The following CFAP54 variants were observed in gnomAD, a reference collection of about 807,000 sequenced individuals.
CFAP54 encodes the protein cilia- and flagella-associated protein 54.
In CFAP54, 290 loss-of-function variants were observed where a neutral mutation model predicts 370.4. The ratio of observed to expected loss-of-function variants is 0.78; its 90% CI spans 0.71 to 0.86. The LOEUF is 0.86. Among genes scored for constraint, CFAP54 ranks in the 40% least tolerant of loss-of-function variants. CFAP54 has a pLI of 0.00. For missense variants in CFAP54, 3,399 were observed against 3,528.7 expected, an observed-to-expected ratio of 0.96 and a Z score of 0.93; for synonymous variants, 1,206 against 1,236.5, an observed-to-expected ratio of 0.98 and a Z score of 0.52.
At chr12:96,709,237 A>T (rs1957582225) in intron 48 of CFAP54, among the ~76,000 whole-genome samples, 1 of 152,204 alleles carries the variant, frequency 6.6e-6, no homozygotes, top group African/African-American at 2.4e-5. Context: ...GTGCATGTGC[A>T]CCAATAGAGG....
At chr12:96,499,116 G>A (rs1954992915) in intron 1 of CFAP54, among the ~76,000 whole-genome samples, 1 of 152,120 alleles carries the variant, frequency 6.6e-6, no homozygotes, top group South Asian at 2.1e-4. Flanking sequence ...CTACAGATGT[G>A]CGCCACCATG....
At chr12:96,536,626 C>CTTTTT (rs10638883) in intron 12 of CFAP54, among the ~76,000 whole-genome samples, 5 of 138,158 alleles carry the variant, frequency 3.6e-5, no homozygotes, top group Admixed American at 7.3e-5. Flanking sequence ...TTTTCTTTTT[C>CTTTTT]TTTTTTTTTT....
intron 62 of CFAP54, among the ~76,000 whole-genome samples, chr12:96,792,116 C>T (rs1026245153): frequency 2.6e-5 from 4 of 152,146 alleles, no homozygotes; most frequent in African/African-American, 9.7e-5. Context: ...TCCCAAAGTG[C>T]TGGGATTACA....
chr12:96,786,064 T>A (rs1262663290), intron 61 of CFAP54, among the ~76,000 whole-genome samples: 1 of 152,212 alleles, frequency 6.6e-6, no homozygotes, highest in Non-Finnish European at 1.5e-5. Context: ...AAATAAACTG[T>A]CTACAAATTC....
intron 39 of CFAP54, among the ~76,000 whole-genome samples, chr12:96,664,758 T>TCG (rs1957053125): frequency 5.0e-5 from 1 of 19,808 alleles, no homozygotes; most frequent in South Asian, 1.5e-3. Context: ...TATATATCTA[T>TCG]ATATATCTAT....
intron 50 of CFAP54, among the ~76,000 whole-genome samples, chr12:96,726,297 A>C (rs1957834743): frequency 6.6e-6 from 1 of 152,196 alleles, no homozygotes; most frequent in Admixed American, 6.5e-5. Flanking sequence ...CTATGAATCC[A>C]TCTGGTCCTG....
At chr12:96,758,381 A>G (rs1958290552) in intron 58 of CFAP54, among the ~76,000 whole-genome samples, 1 of 152,216 alleles carries the variant, frequency 6.6e-6, no homozygotes, top group Admixed American at 6.5e-5. Flanking sequence ...CTTACATGGC[A>G]GCAGACAAAG....
In CFAP54 at chr12:96,647,957, T is replaced by C. The variant is rs1388351815; in HGVS notation, c.4630T>C (p.Tyr1544His). 3.9e-5 allele frequency: 60 copies of C among 1,523,976 alleles called. No homozygotes were observed. The highest frequency in any genetic ancestry group is 6.3e-5 in the Admixed American group (3 of 47,752). The allele number at this position is 1,523,976 out of a possible 1,614,324, so 94.4% of individuals were successfully genotyped here. The part of the protein sequence containing the change: ...LPTRKLTVEN[Y>H]KAMLDFLLTA... ...AACAAGAAAATTGACTGTAGAAAATTATAAAGCAATGCTTGATTTCCTTCT... is the reference window on the plus strand; with the variant it reads ...AACAAGAAAATTGACTGTAGAAAATCATAAAGCAATGCTTGATTTCCTTCT... Residue 1544 changes from tyrosine (Y) to histidine (H), a missense_variant, in exon 34 of 68, where the codon TAT (tyrosine) becomes CAT (histidine). Physicochemically the swap from Tyr to His is moderately conservative, Grantham distance 83. Around this residue, in one of 3 missense-constraint regions of CFAP54, gnomAD observed 2,796 missense variants for 2,869.7 expected, o/e 0.97. Transcript: ENST00000524981.
At chr12:96,782,899 CAAAATT>C (rs1282429383) in intron 60 of CFAP54, among the ~76,000 whole-genome samples, 3 of 151,906 alleles carry the variant, frequency 2.0e-5, no homozygotes, top group Non-Finnish European at 4.4e-5. Context: ...CAAAATAAAA[CAAAATT>C]AAAAAGAAAT....
At chr12:96,585,795 T>C (rs1239666837) in intron 22 of CFAP54, among the ~76,000 whole-genome samples, 1 of 152,212 alleles carries the variant, frequency 6.6e-6, no homozygotes, top group African/African-American at 2.4e-5. Context: ...AGGCCCAACC[T>C]GCTTTCTCCC....
chr12:96,789,020 G>T (rs1958656198), intron 62 of CFAP54, among the ~76,000 whole-genome samples: 1 of 152,196 alleles, frequency 6.6e-6, no homozygotes, highest in Admixed American at 6.5e-5. Flanking sequence ...GAGTGATGAA[G>T]TTGATATTAT....
intron 60 of CFAP54, among the ~76,000 whole-genome samples, chr12:96,766,400 G>A (rs1958402177): frequency 6.6e-6 from 1 of 152,058 alleles, no homozygotes; most frequent in Non-Finnish European, 1.5e-5. Context: ...GTTCTCTGGG[G>A]ACAAAGCCAT....
intron 66 of CFAP54, among the ~76,000 whole-genome samples, chr12:96,848,339 T>C (rs917153137): frequency 6.6e-6 from 1 of 152,012 alleles, no homozygotes; most frequent in Non-Finnish European, 1.5e-5. Context: ...CCTTCCAAAA[T>C]GCGTTACAGG....
intron 33 of CFAP54, among the ~76,000 whole-genome samples, chr12:96,644,738 A>G (rs1956770621): frequency 6.6e-6 from 1 of 152,154 alleles, no homozygotes; most frequent in African/African-American, 2.4e-5. Context: ...TCATAAAACG[A>G]TCAGATCTTG....
intron 36 of CFAP54, among the ~76,000 whole-genome samples, chr12:96,652,057 C>T (rs1003541227): frequency 2.0e-5 from 3 of 152,002 alleles, no homozygotes; most frequent in Non-Finnish European, 4.4e-5. Flanking sequence ...AACTCCAGCC[C>T]CTACATAAAT....
At chr12:96,683,024 G>T (rs769291722) in intron 40 of CFAP54, among the ~76,000 whole-genome samples, 1 of 152,000 alleles carries the variant, frequency 6.6e-6, no homozygotes, top group Non-Finnish European at 1.5e-5. Flanking sequence ...TAACCCATAC[G>T]ATAGACCCAA....
chr12:96,785,026 T>C, intron 61 of CFAP54, 136 bp downstream of exon 61: 1 of 664,942 alleles, frequency 1.5e-6, no homozygotes. Context: ...ATTTCATGGG[T>C]TCTTAACCTG....
chr12:96,689,087 A>G (rs1009335679), intron 43 of CFAP54, 105 bp downstream of exon 43: 7 of 605,470 alleles, frequency 1.2e-5, no homozygotes, highest in African/African-American at 5.8e-5. Flanking sequence ...GCAAAATAAC[A>G]TGAATCTTGA....
intron 32 of CFAP54, among the ~76,000 whole-genome samples, chr12:96,639,704 A>G (rs1358044114): frequency 6.6e-6 from 1 of 152,256 alleles, no homozygotes; most frequent in Non-Finnish European, 1.5e-5. Context: ...AACGGAATCC[A>G]GCAGCACATC....
Sources: allele counts gnomAD v4.1 joint callset (sites outside exome capture counted in the v4.1 genomes callset), GRCh38; gene constraint gnomAD v4.1.1; regional missense constraint gnomAD v4.1.1; transcripts MANE v1.5; gene names NCBI Gene and HGNC (gene_info 2026-07-23, HGNC 2026-07-21).